Variants in DENND10 observed in about 807,000 individuals in gnomAD.
DENND10 encodes the protein DENN domain-containing protein 10.
In DENND10, 24 loss-of-function variants were observed where a neutral mutation model predicts 43.6. That is an observed-to-expected ratio of 0.55 (90% CI 0.40 to 0.77). The LOEUF is 0.77. Ranked by LOEUF, DENND10 falls within the 30% of genes least tolerant of loss-of-function variation. DENND10 has a pLI of 0.00. For missense variants in DENND10, 303 were observed against 429.9 expected (o/e 0.70, Z 2.61); for synonymous variants, 125 against 157.6 (o/e 0.79, Z 1.55).
intron 3 of DENND10, among the ~76,000 whole-genome samples, chr10:119,115,585 T>C (rs1845221941): frequency 7.2e-6 from 1 of 138,410 alleles, no homozygotes; most frequent in Non-Finnish European, 1.6e-5. Flanking sequence ...GAGACGGGGT[T>C]TCACCGTTTT....
In DENND10 at chr10:119,136,833, C is replaced by T. The variant is rs1433244688; in HGVS notation, c.*186C>T. The T allele has an allele frequency of 2.9e-5, 13 of 449,586 alleles. No individual in the cohort carries two copies. Among genetic ancestry groups the T allele is most frequent in the Non-Finnish European group, 4.5e-5 (11 of 244,170 alleles). 27.8% of individuals were successfully genotyped at this position (449,586 alleles called of 1,614,324 possible). ...ATGAACACACTTCCGATTTTCTCCT[C>T]GCTGATTAGCTTCCTGCCTGCTGTC... On this transcript the variant is annotated 3_prime_UTR_variant, in exon 9 of 9. Coordinates refer to ENST00000361432, the MANE Select transcript of DENND10 (RefSeq NM_207009.4).
intron 1 of DENND10, among the ~76,000 whole-genome samples, chr10:119,105,886 C>T (rs1424755633): frequency 1.3e-5 from 2 of 151,840 alleles, no homozygotes; most frequent in African/African-American, 2.4e-5. Flanking sequence ...CCCCCAACCC[C>T]GTCTCAAAAA....
rs752981265 is a variant in DENND10 at position 119,136,565 on chromosome 10, C to T, written c.992C>T (p.Ala331Val). ...GAAAAGAGAGTCCTTAATTTGGAGG[C>T]GCTAAAGCAAAAACGATTTCCACCA... The part of the protein sequence containing the change: ...DGEKRVLNLE[A>V]LKQKRFPPAT... The change falls in exon 9 of 9, where the codon GCG becomes GTG. Residue 331 changes from alanine (A) to valine (V), a missense_variant. By Grantham distance (64) the Ala-to-Val change is moderately conservative (BLOSUM62 0). Coordinates refer to ENST00000361432, the MANE Select transcript of DENND10 (RefSeq NM_207009.4). The T allele has an allele frequency of 3.4e-5, 53 of 1,581,908 alleles. No homozygotes were observed. The South Asian group carries it at 3.9e-4, about 12-fold the overall frequency.
intron 3 of DENND10, among the ~76,000 whole-genome samples, chr10:119,112,507 T>C (rs1845026588): frequency 6.7e-6 from 1 of 149,986 alleles, no homozygotes; most frequent in Admixed American, 6.6e-5. Context: ...TTTTTTTTTT[T>C]TTTGAGACAG....
At chr10:119,106,804 G>T (rs1037455232) in intron 1 of DENND10, among the ~76,000 whole-genome samples, 1 of 152,312 alleles carries the variant, frequency 6.6e-6, no homozygotes, top group Non-Finnish European at 1.5e-5. Context: ...CAGCACTTTG[G>T]GGGGCCGAGG....
At chr10:119,105,375 C>A (rs1844640437) in intron 1 of DENND10, 1 of 200,554 alleles carries the variant, frequency 5.0e-6, no homozygotes, top group Admixed American at 5.8e-5. Context: ...GCAGCCTCCA[C>A]CTCCCAGGCC....
At chr10:119,129,756 CACA>C (rs2133525347) in intron 7 of DENND10, 134 bp downstream of exon 7, 3 of 653,216 alleles carry the variant, frequency 4.6e-6, no homozygotes, top group African/African-American at 1.8e-5. Flanking sequence ...GTGTCTAGAA[CACA>C]ACATTTATTC....
At position 119,132,555 on chromosome 10, in the gene DENND10, G is replaced by C; in HGVS notation, c.843G>C (p.Gln281His). Residue 281 changes from glutamine (Q) to histidine (H), a missense_variant, in exon 8 of 9, where the codon CAG (glutamine) becomes CAC (histidine). Gln to His is a conservative substitution (Grantham distance 24). Coordinates refer to ENST00000361432, the MANE Select transcript of DENND10 (RefSeq NM_207009.4). The surrounding 1 kb of genome is among the most constrained non-coding windows in gnomAD (Gnocchi z 4.2). The part of the protein sequence containing the change: ...AMGKLHKEMG[Q>H]LIVQSAEDPE... ...GCAAACTGCACAAAGAAATGGGTCA[G>C]CTAATTGTTCAGTCTGCAGAAGATC... 1 of 1,614,182 alleles carries C rather than the reference G, an allele frequency of 6.2e-7. No individual in the cohort carries two copies. Among genetic ancestry groups the C allele is most frequent in the Non-Finnish European group, 8.5e-7 (1 of 1,180,014 alleles).
chr10:119,119,394 G>C (rs1054171951), intron 4 of DENND10, among the ~76,000 whole-genome samples: 1 of 152,100 alleles, frequency 6.6e-6, no homozygotes, highest in Admixed American at 6.6e-5. Flanking sequence ...CACCCGCCTC[G>C]GCCTCCCAAA....
intron 6 of DENND10, among the ~76,000 whole-genome samples, chr10:119,128,299 C>G (rs1845919601): frequency 6.6e-6 from 1 of 151,708 alleles, no homozygotes; most frequent in Admixed American, 6.6e-5. Flanking sequence ...GGCAACAGAG[C>G]AAGACTCTGT....
In DENND10 at chr10:119,123,511, C is replaced by T; in HGVS notation, c.636C>T (p.Ile212=). The part of the protein sequence containing the change: ...ALVWHRQDWT[I]LHSYVHLNAD... ...TGTGGCACCGACAGGACTGGACCAT[C>T]CTTCACTCTTACGTGCACCTCAACG... Residue 212 remains isoleucine (I), a synonymous_variant, in exon 6 of 9, where the codon ATC becomes ATT. Transcript: ENST00000361432. 6.2e-7 allele frequency: 1 copy of T among 1,613,792 alleles called. No homozygotes were observed. Among genetic ancestry groups the T allele is most frequent in the African/African-American group, 1.3e-5 (1 of 75,060 alleles).
At chr10:119,120,858 C>T (rs1845539459) in intron 5 of DENND10, among the ~76,000 whole-genome samples, 1 of 152,104 alleles carries the variant, frequency 6.6e-6, no homozygotes, top group Non-Finnish European at 1.5e-5. Context: ...TGACCCGTTT[C>T]AGGTAAATTG....
chr10:119,128,642 T>C (rs1207035604), intron 6 of DENND10, among the ~76,000 whole-genome samples: 1 of 151,458 alleles, frequency 6.6e-6, no homozygotes, highest in Non-Finnish European at 1.5e-5. Flanking sequence ...CTATAATTTA[T>C]AAAGAAAAGA....
chr10:119,132,794 T>A lies in DENND10; in HGVS notation c.897+185T>A. The A allele has an allele frequency of 3.3e-6, 2 of 604,472 alleles. No individual in the cohort carries two copies. Among genetic ancestry groups the A allele is most frequent in the Non-Finnish European group, 5.9e-6 (2 of 338,192 alleles). 37.4% of individuals were successfully genotyped at this position (604,472 alleles called of 1,614,324 possible). ...GCAGGTGCAGGCTGGCCTGATCTAG[T>A]TAGTTACTGGGCTCGAGGGCAGGTA... On this transcript the variant is annotated intron_variant, in intron 8 of 8. Transcript: ENST00000361432. This position sits in a 1 kb window ranked among gnomAD's most constrained non-coding sequence, Gnocchi z 4.2.
At chr10:119,112,779 T>A (rs916032204) in intron 3 of DENND10, among the ~76,000 whole-genome samples, 2 of 146,866 alleles carry the variant, frequency 1.4e-5, no homozygotes, top group African/African-American at 5.0e-5. Flanking sequence ...ATAGGCGTGA[T>A]GAAACTCTTT....
At chr10:119,123,623 T>TTC in intron 6 of DENND10, 54 bp downstream of exon 6, 1 of 1,016,832 alleles carries the variant, frequency 9.8e-7, no homozygotes, top group Non-Finnish European at 1.5e-6. Context: ...TTTTTTTTTT[T>TTC]CCTGAGACGG....
rs35834399 is a variant in DENND10, at chr10:119,137,173, T to TAAAAAAA, written c.*542_*548dup. ...TGCAGTTGCACTTTCTCGTAAAAGT[T>TAAAAAAA]AAAAAAAAAAAAAAAAAAAAAAGGT... On this transcript the variant is annotated 3_prime_UTR_variant, in exon 9 of 9. Coordinates refer to ENST00000361432, the MANE Select transcript of DENND10 (RefSeq NM_207009.4). 3 of 77,754 alleles carry TAAAAAAA rather than the reference T, an allele frequency of 3.9e-5. No homozygotes were observed. Among genetic ancestry groups the TAAAAAAA allele is most frequent in the African/African-American group, 9.8e-5 (2 of 20,396 alleles). 4.8% of individuals were successfully genotyped at this position (77,754 alleles called of 1,614,324 possible).
At chr10:119,125,180 C>G (rs1372970735) in intron 6 of DENND10, among the ~76,000 whole-genome samples, 1 of 151,998 alleles carries the variant, frequency 6.6e-6, no homozygotes, top group African/African-American at 2.4e-5. Context: ...CCACGTTGGC[C>G]AGGCTGGTCT....
intron 4 of DENND10, among the ~76,000 whole-genome samples, 193 bp downstream of exon 4, chr10:119,117,860 G>A (rs11198785): frequency 0.35 from 53,171 of 151,916 alleles, 9,689 homozygotes; most frequent in Non-Finnish European, 0.4. Flanking sequence ...CCAGCTACTC[G>A]GGAGGCTGAG....
Sources: allele counts gnomAD v4.1 joint callset (sites outside exome capture counted in the v4.1 genomes callset), GRCh38; gene constraint gnomAD v4.1.1; non-coding constraint Gnocchi (gnomAD v3.1); transcripts MANE v1.5; gene names NCBI Gene and HGNC (gene_info 2026-07-23, HGNC 2026-07-21).